TMEM232: variants seen among roughly 807,000 people sequenced by gnomAD.
The protein encoded by TMEM232 is transmembrane protein 232.
TMEM232 carries 80 observed loss-of-function variants against 78.8 expected under a neutral mutation model. That is an observed-to-expected ratio of 1.01 (90% CI 0.85 to 1.22). The LOEUF (loss-of-function observed/expected upper bound fraction) is 1.22, where lower values mean the gene tolerates loss of function less well. Ranked by LOEUF, TMEM232 falls within the 50% of genes most tolerant of loss-of-function variation. The probability of loss-of-function intolerance (pLI) is 0.00; values close to 1 mark genes in which losing one functional copy is unlikely to be tolerated. For synonymous variants in TMEM232, 297 were observed against 254.3 expected, an observed-to-expected ratio of 1.17 and a Z score of -1.60; for missense variants, 881 against 742.2, an observed-to-expected ratio of 1.19 and a Z score of -2.17.
chr5:110,585,147 A>G (rs1387482510), intron 10 of TMEM232, among the ~76,000 whole-genome samples: 3 of 152,104 alleles, frequency 2.0e-5, no homozygotes, highest in Admixed American at 2.0e-4. Flanking sequence ...TACATGGTAA[A>G]AAGCTTTGGA....
At chr5:110,733,723 C>T (rs553462147) in intron 2 of TMEM232, among the ~76,000 whole-genome samples, 1 of 152,034 alleles carries the variant, frequency 6.6e-6, no homozygotes, top group Non-Finnish European at 1.5e-5. Context: ...AGAAAAAAAA[C>T]CTATTGGGTG....
chr5:110,607,940 C>A (rs1180024458), intron 8 of TMEM232, among the ~76,000 whole-genome samples: 1 of 151,846 alleles, frequency 6.6e-6, no homozygotes, highest in Non-Finnish European at 1.5e-5. Flanking sequence ...GAAGCTTGGA[C>A]CTTGAAGATT....
At position 110,618,429 on chromosome 5, in the gene TMEM232, C is replaced by T; in HGVS notation, c.902G>A (p.Trp301Ter). ...FHKTQLQKKC[W>*]LDSVLALLVL... is the part of the protein sequence containing the mutation. ...TTTGGATTTATAGGATCACTCTTAC[C>T]AGCATTTCTTTTGAAGCTGTGTCTT... The change falls in exon 8 of 14, where the codon TGG becomes TAG. Residue 301 changes from tryptophan (W) to a stop codon, truncating the protein, a stop_gained and splice_region_variant. Coordinates refer to ENST00000455884, the MANE Select transcript of TMEM232 (RefSeq NM_001039763.4). LOFTEE classifies it high-confidence loss of function. The T allele has an allele frequency of 6.5e-7, 1 of 1,550,256 alleles. No individual in the cohort carries two copies. The highest frequency in any genetic ancestry group is 2.0e-5 in the Admixed American group (1 of 50,670).
intron 10 of TMEM232, among the ~76,000 whole-genome samples, chr5:110,577,657 G>A (rs1363724546): frequency 6.6e-6 from 1 of 152,088 alleles, no homozygotes; most frequent in Non-Finnish European, 1.5e-5. Context: ...TAAAGAAAAT[G>A]TGGTACACAC....
intron 13 of TMEM232, among the ~76,000 whole-genome samples, chr5:110,423,201 T>C (rs867269454): frequency 6.6e-6 from 1 of 152,194 alleles, no homozygotes; most frequent in African/African-American, 2.4e-5. Flanking sequence ...AGCCAAGAAC[T>C]TCAGCAGCTA....
At chr5:110,595,859 A>G (rs982547533) in intron 10 of TMEM232, among the ~76,000 whole-genome samples, 1 of 152,202 alleles carries the variant, frequency 6.6e-6, no homozygotes, top group Non-Finnish European at 1.5e-5. Flanking sequence ...ACTTCAGGAT[A>G]TTATCCGGAA....
chr5:110,425,360 G>C (rs906884376), intron 12 of TMEM232, among the ~76,000 whole-genome samples: 4 of 152,110 alleles, frequency 2.6e-5, no homozygotes, highest in African/African-American at 9.7e-5. Flanking sequence ...GGGAGACTTA[G>C]TGTTAAATTA....
intron 2 of TMEM232, among the ~76,000 whole-genome samples, chr5:110,411,036 A>C (rs763016358): frequency 6.6e-6 from 1 of 152,160 alleles, no homozygotes; most frequent in East Asian, 1.9e-4. Context: ...AGGGGATGAG[A>C]AGTATCCTGG....
chr5:110,429,943 T>A (rs1303604810), intron 12 of TMEM232: 1 of 151,762 alleles, frequency 6.6e-6, no homozygotes, highest in African/African-American at 2.4e-5. Context: ...TTGTCTTAGT[T>A]CTATTGCAAT....
At chr5:110,605,435 A>T (rs1386104730) in intron 9 of TMEM232, 77 bp from the exon 10 acceptor site, 19 of 1,432,600 alleles carry the variant, frequency 1.3e-5, no homozygotes, top group Non-Finnish European at 1.8e-5. Context: ...ACTTATAATA[A>T]TTGTTAAAAG....
Position 110,548,156 on chromosome 5 carries a change from G to A in TMEM232, c.1456-19321C>T, listed in dbSNP as rs944816058. Among the ~76,000 whole-genome samples the A allele has an allele frequency of 5.3e-5, 8 of 150,154 alleles. 1 individual carries two copies. Among genetic ancestry groups the A allele is most frequent in the Admixed American group, 4.6e-4 (7 of 15,152 alleles). ...ACAGATTCAAGGATTCAAGGAAGAA[G>A]AATAAGGAAAGAAACTTTTAAATAT... is the stretch of plus-strand genomic sequence containing the variant. On this transcript the variant is annotated intron_variant, in intron 11 of 13. Coordinates refer to ENST00000455884, the MANE Select transcript of TMEM232 (RefSeq NM_001039763.4).
chr5:110,546,427 T>C (rs1773791405), intron 11 of TMEM232, among the ~76,000 whole-genome samples: 1 of 152,114 alleles, frequency 6.6e-6, no homozygotes. Context: ...TTCTACTTAA[T>C]TCCATAAACA....
intron 12 of TMEM232, 141 bp from the exon 13 acceptor site, chr5:110,425,057 G>T: frequency 1.4e-6 from 1 of 692,258 alleles, no homozygotes; most frequent in Non-Finnish European, 2.4e-6. Flanking sequence ...GTAGACTATG[G>T]TATGTTAGCT....
intron 1 of TMEM232, among the ~76,000 whole-genome samples, chr5:110,673,007 T>C (rs1056672787): frequency 5.9e-5 from 9 of 152,292 alleles, no homozygotes; most frequent in African/African-American, 2.2e-4. Context: ...TGCACACGCA[T>C]GTTTATTGCG....
chr5:110,541,189 G>A (rs1232037743), intron 11 of TMEM232, among the ~76,000 whole-genome samples: 1 of 152,110 alleles, frequency 6.6e-6, no homozygotes, highest in African/African-American at 2.4e-5. Context: ...TGGTTAACAG[G>A]CTCTTCACTG....
chr5:110,646,625 C>G (rs1052208732), intron 2 of TMEM232, among the ~76,000 whole-genome samples: 2 of 151,798 alleles, frequency 1.3e-5, no homozygotes, highest in African/African-American at 4.8e-5. Flanking sequence ...GAATATACTT[C>G]TTGATATTGG....
chr5:110,499,634 C>T (rs1766015471), intron 12 of TMEM232, among the ~76,000 whole-genome samples: 1 of 131,536 alleles, frequency 7.6e-6, no homozygotes, highest in Non-Finnish European at 1.5e-5. Flanking sequence ...TACACCCCCC[C>T]CCACACACAC....
At chr5:110,522,804 G>C (rs997001562) in intron 12 of TMEM232, among the ~76,000 whole-genome samples, 2 of 152,060 alleles carry the variant, frequency 1.3e-5, no homozygotes, top group Non-Finnish European at 2.9e-5. Flanking sequence ...AGATGCTTCT[G>C]GATTCTGTTT....
intron 12 of TMEM232, among the ~76,000 whole-genome samples, chr5:110,454,004 T>C (rs1405054090): frequency 1.3e-5 from 2 of 152,252 alleles, no homozygotes; most frequent in East Asian, 3.9e-4. Context: ...TTTTTGATAA[T>C]ACATAAAGCA....
Sources: gnomAD v4.1 joint callset for allele counts (sites outside exome capture counted in the v4.1 genomes callset) on GRCh38, gnomAD v4.1.1 for gene constraint, MANE v1.5 for transcripts, NCBI Gene and HGNC (gene_info 2026-07-23, HGNC 2026-07-21) for gene names.